Variants in CHST11 observed in about 807,000 individuals in gnomAD.
The protein encoded by CHST11 is C4S-1.
CHST11 carries 9 observed loss-of-function variants against 30.4 expected under a neutral mutation model. The ratio of observed to expected loss-of-function variants is 0.30; its 90% CI spans 0.18 to 0.52. The LOEUF is 0.52. Ranked by LOEUF, CHST11 falls within the 20% of genes least tolerant of loss-of-function variation. The pLI, the probability that CHST11 is intolerant of heterozygous loss-of-function variation, is 0.97. For synonymous variants in CHST11, 152 were observed against 187.8 expected (o/e 0.81, Z 1.56); for missense variants, 348 against 460.6 (o/e 0.76, Z 2.24).
chr12:104,476,260 T>C (rs918374750), intron 1 of CHST11, among the ~76,000 whole-genome samples: 16 of 149,570 alleles, frequency 1.1e-4, no homozygotes, highest in African/African-American at 3.7e-4. Flanking sequence ...ATATGTAATA[T>C]ATGTAATATG....
At chr12:104,656,973 G>T (rs1279626406) in intron 2 of CHST11, among the ~76,000 whole-genome samples, 2 of 151,832 alleles carry the variant, frequency 1.3e-5, no homozygotes, top group Non-Finnish European at 2.9e-5. Context: ...AGCATGCTGG[G>T]AAAGACCTTC....
intron 2 of CHST11, among the ~76,000 whole-genome samples, chr12:104,662,294 C>T (rs535665543): frequency 6.6e-5 from 10 of 152,276 alleles, no homozygotes; most frequent in South Asian, 6.2e-4. Flanking sequence ...CTGAGCCCCA[C>T]GTTTCTCATC....
chr12:104,743,507 C>G (rs943166120), intron 2 of CHST11, among the ~76,000 whole-genome samples: 9 of 152,188 alleles, frequency 5.9e-5, no homozygotes, highest in African/African-American at 2.2e-4. Context: ...GGCACCAACC[C>G]TACAGGGATG....
At chr12:104,686,913 G>T (rs1592838963) in intron 2 of CHST11, among the ~76,000 whole-genome samples, 1 of 152,216 alleles carries the variant, frequency 6.6e-6, no homozygotes, top group South Asian at 2.1e-4. Flanking sequence ...CTCCCAAAGT[G>T]CTGGGATTAC....
At chr12:104,633,034 G>A (rs1353448211) in intron 2 of CHST11, among the ~76,000 whole-genome samples, 1 of 152,242 alleles carries the variant, frequency 6.6e-6, no homozygotes, top group Non-Finnish European at 1.5e-5. Context: ...TTCAGAGCAT[G>A]CTCATGGGCA....
chr12:104,681,343 C>A (rs987216315), intron 2 of CHST11, among the ~76,000 whole-genome samples: 7 of 152,190 alleles, frequency 4.6e-5, no homozygotes, highest in African/African-American at 1.7e-4. Context: ...TCACAAAAGA[C>A]CGCATATGAT....
chr12:104,693,671 G>A (rs751675014), intron 2 of CHST11, among the ~76,000 whole-genome samples: 4 of 152,158 alleles, frequency 2.6e-5, no homozygotes, highest in Non-Finnish European at 5.9e-5. Context: ...ACAGAGAAGG[G>A]CCCCTGATTT....
rs150769328 is a variant in CHST11, at chr12:104,730,936, C to A, written c.205-26013C>A. 3.0e-3 allele frequency among the ~76,000 whole-genome samples: 450 copies of A among 152,320 alleles called. 1 individual carries two copies. The highest frequency in any genetic ancestry group is 0.01 in the African/African-American group (423 of 41,556). Reference sequence around the variant, plus strand: ...CTGGTCCCAGCTGTGAGGTAGTTAACTGCAGCTGCCTCAATGTCAAAGCCA... The same window carrying A: ...CTGGTCCCAGCTGTGAGGTAGTTAAATGCAGCTGCCTCAATGTCAAAGCCA... On this transcript the variant is annotated intron_variant, in intron 2 of 2. Transcript: ENST00000303694.
At chr12:104,725,823 G>A (rs2040212484) in intron 2 of CHST11, among the ~76,000 whole-genome samples, 1 of 152,060 alleles carries the variant, frequency 6.6e-6, no homozygotes, top group Non-Finnish European at 1.5e-5. Flanking sequence ...CAGGACGGAT[G>A]GTCCGTGGGC....
chr12:104,469,011 A>T (rs1224816225), intron 1 of CHST11, among the ~76,000 whole-genome samples: 1 of 152,230 alleles, frequency 6.6e-6, no homozygotes, highest in Non-Finnish European at 1.5e-5. Context: ...AAAGCAGTAT[A>T]AACATGTTGT....
In CHST11 at chr12:104,457,754, G is replaced by A. The variant is rs916007619; in HGVS notation, c.118+225G>A. Among the ~76,000 whole-genome samples the A allele has an allele frequency of 1.6e-4, 25 of 151,920 alleles. 1 individual carries two copies. Among genetic ancestry groups the A allele is most frequent in the Non-Finnish European group, 3.4e-4 (23 of 67,958 alleles). Reference sequence around the variant, plus strand: ...TCGCCCTCTTCTTCCTACCGGCTCCGGGCTGGAGGATGGGACCAGGAGGGG... The same window carrying A: ...TCGCCCTCTTCTTCCTACCGGCTCCAGGCTGGAGGATGGGACCAGGAGGGG... On this transcript the variant is annotated intron_variant, in intron 1 of 2. Transcript: ENST00000303694.
intron 2 of CHST11, among the ~76,000 whole-genome samples, chr12:104,679,095 C>T (rs562528376): frequency 4.1e-4 from 62 of 152,302 alleles, no homozygotes; most frequent in African/African-American, 1.4e-3. Flanking sequence ...AGGCCACCAA[C>T]CGACCTGTGA....
intron 2 of CHST11, among the ~76,000 whole-genome samples, chr12:104,619,564 G>A (rs1198698276): frequency 1.3e-5 from 2 of 152,130 alleles, no homozygotes; most frequent in African/African-American, 4.8e-5. Flanking sequence ...CCAAGAGTTG[G>A]TGTTCAAACA....
intron 2 of CHST11, among the ~76,000 whole-genome samples, chr12:104,662,013 T>C (rs2039602936): frequency 6.6e-6 from 1 of 152,156 alleles, no homozygotes; most frequent in African/African-American, 2.4e-5. Flanking sequence ...ATCAGTGAGC[T>C]CCATCTGGGT....
chr12:104,675,609 A>C (rs1470751502), intron 2 of CHST11, among the ~76,000 whole-genome samples: 2 of 152,184 alleles, frequency 1.3e-5, no homozygotes, highest in African/African-American at 4.8e-5. Context: ...CTTTGTTTGG[A>C]CTTTATTCAA....
intron 1 of CHST11, among the ~76,000 whole-genome samples, chr12:104,512,766 T>G (rs2037978045): frequency 6.6e-6 from 1 of 152,070 alleles, no homozygotes; most frequent in Non-Finnish European, 1.5e-5. Flanking sequence ...GGGGAAAGCA[T>G]TTTGGAGATA....
chr12:104,733,394 G>A (rs770063092), intron 2 of CHST11, among the ~76,000 whole-genome samples: 4 of 152,302 alleles, frequency 2.6e-5, no homozygotes, highest in Non-Finnish European at 4.4e-5. Flanking sequence ...ATCAGGAAAG[G>A]GCCTTGCCTG....
At chr12:104,714,565 G>A (rs1360506569) in intron 2 of CHST11, among the ~76,000 whole-genome samples, 2 of 150,814 alleles carry the variant, frequency 1.3e-5, no homozygotes, top group Non-Finnish European at 2.9e-5. Flanking sequence ...TGATGATGAT[G>A]ATGATGATGA....
At chr12:104,584,591 T>C (rs2038783389) in intron 1 of CHST11, among the ~76,000 whole-genome samples, 1 of 152,202 alleles carries the variant, frequency 6.6e-6, no homozygotes. Context: ...TTTATATGTG[T>C]ATGTGTGTTT....
Sources: allele counts gnomAD v4.1 joint callset (sites outside exome capture counted in the v4.1 genomes callset), GRCh38; gene constraint gnomAD v4.1.1; transcripts MANE v1.5; gene names NCBI Gene and HGNC (gene_info 2026-07-23, HGNC 2026-07-21).